UGT2B15: variants seen among roughly 807,000 people sequenced by gnomAD.
The protein encoded by UGT2B15 is UDP-glucuronosyltransferase 2B15.
UGT2B15 carries 36 observed loss-of-function variants against 45.9 expected under a neutral mutation model. The ratio of observed to expected loss-of-function variants is 0.78; its 90% CI spans 0.60 to 1.04. UGT2B15 has a LOEUF of 1.04. UGT2B15 is among the 50% of genes least tolerant of loss of function. The pLI is 0.00. For synonymous variants in UGT2B15, 219 were observed against 216.4 expected (o/e 1.01, Z -0.11); for missense variants, 617 against 622.4 (o/e 0.99, Z 0.09).
At chr4:68,648,043 G>C (rs1330075722) in intron 5 of UGT2B15, among the ~76,000 whole-genome samples, 2 of 151,918 alleles carry the variant, frequency 1.3e-5, no homozygotes, top group Non-Finnish European at 2.9e-5. Flanking sequence ...ATTTAAAGAA[G>C]AATTGTGACA....
intron 5 of UGT2B15, among the ~76,000 whole-genome samples, chr4:68,652,656 T>C (rs1371206513): frequency 1.3e-5 from 2 of 151,616 alleles, no homozygotes; most frequent in African/African-American, 4.8e-5. Context: ...AAAAGTTAAG[T>C]ATTACATATT....
chr4:68,653,108 T>A (rs1732703505), intron 5 of UGT2B15, among the ~76,000 whole-genome samples: 1 of 152,064 alleles, frequency 6.6e-6, no homozygotes, highest in Non-Finnish European at 1.5e-5. Flanking sequence ...GTTTAGCAGT[T>A]CTTCATAAAC....
rs369559438 is a variant in UGT2B15 at position 68,652,986 on chromosome 4, T to A, written c.1313+1051A>T. 7.9e-3 allele frequency among the ~76,000 whole-genome samples: 1,196 copies of A among 152,118 alleles called. 17 individuals are homozygous for A. Among genetic ancestry groups the A allele is most frequent in the Middle Eastern group, 0.048 (14 of 294 alleles). On this transcript the variant is annotated intron_variant, in intron 5 of 5. Transcript: ENST00000338206. ...AGAGACCACTTTACACACACTAGAATGGCTGTAATAGAAAGACAGGTGATA... is the reference window on the plus strand; with the variant it reads ...AGAGACCACTTTACACACACTAGAAAGGCTGTAATAGAAAGACAGGTGATA...
chr4:68,648,950 T>C (rs1007085669), intron 5 of UGT2B15, among the ~76,000 whole-genome samples: 24 of 152,156 alleles, frequency 1.6e-4, no homozygotes, highest in African/African-American at 5.8e-4. Context: ...TTTTTGACCT[T>C]ACTAATAATT....
Position 68,670,641 on chromosome 4 carries a change from T to C in UGT2B15, c.-23A>G, listed in dbSNP as rs781485665. The C allele has an allele frequency of 9.2e-6, 14 of 1,527,866 alleles. No homozygotes were observed. The highest frequency in any genetic ancestry group is 8.7e-6 in the Non-Finnish European group (10 of 1,143,378). 94.6% of individuals were successfully genotyped at this position (1,527,866 alleles called of 1,614,324 possible). On this transcript the variant is annotated 5_prime_UTR_variant, in exon 1 of 6. Transcript: ENST00000338206. ...CATCCTGGTCTTATGCAATGCTTCT[T>C]TTCCAGTTGTTGTTTCTTTCTGTCA...
At chr4:68,648,744 C>G (rs1158720212) in intron 5 of UGT2B15, among the ~76,000 whole-genome samples, 7 of 152,040 alleles carry the variant, frequency 4.6e-5, no homozygotes, top group Non-Finnish European at 1.0e-4. Flanking sequence ...TTTTTATCCT[C>G]AAAGTAAGTA....
chr4:68,658,914 T>C (rs1210039447), intron 3 of UGT2B15, among the ~76,000 whole-genome samples: 1 of 152,070 alleles, frequency 6.6e-6, no homozygotes, highest in Non-Finnish European at 1.5e-5. Flanking sequence ...TTTTAAGAAC[T>C]GATACTGAGA....
chr4:68,656,159 T>C (rs1276868999), intron 3 of UGT2B15, among the ~76,000 whole-genome samples: 1 of 152,100 alleles, frequency 6.6e-6, no homozygotes, highest in Non-Finnish European at 1.5e-5. Flanking sequence ...CAAGATTTCC[T>C]GTTTCCATGA....
rs781101739 is a variant in UGT2B15 at position 68,670,427 on chromosome 4, G to C, written c.192C>G (p.Val64=). ...TAATAGCAGATGATTTACTGGCATTGACAAGAGTAGAAGCCGAAGATGTCA... is the reference window on the plus strand; with the variant it reads ...TAATAGCAGATGATTTACTGGCATTCACAAGAGTAGAAGCCGAAGATGTCA... ...TVLTSSASTL[V]NASKSSAIKL... is the part of the protein sequence containing the mutation. The change falls in exon 1 of 6, where the codon GTC becomes GTG. Residue 64 remains valine, a synonymous_variant. Coordinates refer to ENST00000338206, the MANE Select transcript of UGT2B15 (RefSeq NM_001076.4). 6.8e-6 allele frequency: 11 copies of C among 1,613,694 alleles called. No individual in the cohort carries two copies.
intron 3 of UGT2B15, among the ~76,000 whole-genome samples, chr4:68,661,500 T>A (rs1578198577): frequency 6.6e-6 from 1 of 152,020 alleles, no homozygotes; most frequent in Non-Finnish European, 1.5e-5. Context: ...TACTTTATAC[T>A]AGCTGTAACC....
At chr4:68,650,392 ATGTGG>A in intron 5 of UGT2B15, among the ~76,000 whole-genome samples, 1 of 151,942 alleles carries the variant, frequency 6.6e-6, no homozygotes, top group East Asian at 1.9e-4. Flanking sequence ...AAGTGAGAAC[ATGTGG>A]TGTTTGGTTT....
chr4:68,655,542 T>C (rs997417086), intron 3 of UGT2B15, among the ~76,000 whole-genome samples: 74 of 152,090 alleles, frequency 4.9e-4, no homozygotes, highest in Non-Finnish European at 1.3e-4. Flanking sequence ...AAGTCAGCCC[T>C]TGACTCACTG....
intron 3 of UGT2B15, 138 bp from the exon 4 acceptor site, chr4:68,655,320 T>C: frequency 3.6e-6 from 4 of 1,097,226 alleles, no homozygotes; most frequent in Non-Finnish European, 3.9e-6. Flanking sequence ...TGTCAAGTAA[T>C]GAGAACTACT....
In UGT2B15 at chr4:68,660,632, T is replaced by G. The variant is rs561862416; in HGVS notation, c.1005+2376A>C. On this transcript the variant is annotated intron_variant, in intron 3 of 5. Coordinates refer to ENST00000338206, the MANE Select transcript of UGT2B15 (RefSeq NM_001076.4). Reference sequence around the variant, plus strand: ...AAATTATGTTTCAAAAATAACAGTATACCTGTTGTTAGATTCTAGTCTTGC... The same window carrying G: ...AAATTATGTTTCAAAAATAACAGTAGACCTGTTGTTAGATTCTAGTCTTGC... Among the ~76,000 whole-genome samples the G allele has an allele frequency of 2.3e-3, 356 of 152,068 alleles. 1 individual carries two copies. The highest frequency in any genetic ancestry group is 7.9e-3 in the African/African-American group (330 of 41,510).
chr4:68,659,488 G>A (rs1418855657), intron 3 of UGT2B15, among the ~76,000 whole-genome samples: 1 of 151,886 alleles, frequency 6.6e-6, no homozygotes, highest in East Asian at 1.9e-4. Context: ...ATTTATATAA[G>A]TATGTTATTG....
intron 5 of UGT2B15, 61 bp downstream of exon 5, chr4:68,653,976 A>G (rs895346359): frequency 4.5e-5 from 72 of 1,588,866 alleles, no homozygotes; most frequent in Admixed American, 1.0e-4. Context: ...GTTAAAATTC[A>G]TATTCACTGT....
In UGT2B15 at chr4:68,654,111, G is replaced by C. The variant is rs773687501; in HGVS notation, c.1239C>G (p.Ala413=). The part of the protein sequence containing the change: ...NIAHMKAKGA[A]LSVDIRTMSS... ...ACATGGTCCTGATGTCCACACTGAGGGCTGCTCCCTTGGCTTTCATGTGAG... is the reference window on the plus strand; with the variant it reads ...ACATGGTCCTGATGTCCACACTGAGCGCTGCTCCCTTGGCTTTCATGTGAG... The change falls in exon 5 of 6, where the codon GCC becomes GCG. Residue 413 remains alanine (A), a synonymous_variant. Coordinates refer to ENST00000338206, the MANE Select transcript of UGT2B15 (RefSeq NM_001076.4). 10 of 1,613,414 alleles carry C rather than the reference G, an allele frequency of 6.2e-6. No homozygotes were observed. The highest frequency in any genetic ancestry group is 8.5e-6 in the Non-Finnish European group (10 of 1,179,686).
chr4:68,664,661 G>C (rs1733067889), intron 2 of UGT2B15, among the ~76,000 whole-genome samples: 1 of 151,726 alleles, frequency 6.6e-6, no homozygotes, highest in South Asian at 2.1e-4. Context: ...CTGCCTCCCA[G>C]GTTAAAGCAA....
At chr4:68,653,038 A>T (rs903101126) in intron 5 of UGT2B15, among the ~76,000 whole-genome samples, 13 of 152,012 alleles carry the variant, frequency 8.6e-5, no homozygotes, top group Non-Finnish European at 1.3e-4. Context: ...GTGTGAAGAA[A>T]TTAGAGCCCT....
Sources: gnomAD v4.1 joint callset for allele counts (sites outside exome capture counted in the v4.1 genomes callset) on GRCh38, gnomAD v4.1.1 for gene constraint, MANE v1.5 for transcripts, NCBI Gene and HGNC (gene_info 2026-07-23, HGNC 2026-07-21) for gene names.